TRPM2: variants seen among roughly 807,000 people sequenced by gnomAD.
The protein encoded by TRPM2 is estrogen-responsive element-associated gene 1 protein.
TRPM2 carries 161 observed loss-of-function variants against 174.0 expected under a neutral mutation model. The ratio of observed to expected loss-of-function variants is 0.93; its 90% CI spans 0.81 to 1.05. The LOEUF is 1.05. TRPM2 is among the 50% of genes least tolerant of loss of function. The pLI is 0.00. For missense variants in TRPM2, 2,057 were observed against 2,038.0 expected (o/e 1.01, Z -0.18); for synonymous variants, 954 against 861.3 (o/e 1.11, Z -1.88).
chr21:44,400,431 T>TGG, intron 15 of TRPM2, 60 bp downstream of exon 15: 1 of 1,453,114 alleles, frequency 6.9e-7, no homozygotes. Flanking sequence ...GAGAGGCTCC[T>TGG]GGGGGCTCAG....
At chr21:44,377,057 G>A (rs1244508714) in intron 6 of TRPM2, among the ~76,000 whole-genome samples, 2 of 151,562 alleles carry the variant, frequency 1.3e-5, no homozygotes, top group Non-Finnish European at 2.9e-5. Context: ...TCCCTGGTGA[G>A]GGCGATGCTG....
At chr21:44,378,388 G>A (rs144631644) in intron 7 of TRPM2, among the ~76,000 whole-genome samples, 66 of 152,344 alleles carry the variant, frequency 4.3e-4, no homozygotes, top group African/African-American at 1.5e-3. Context: ...GCAATGTCCC[G>A]TTTATGTTTC....
chr21:44,397,658 C>T (rs1403430036), intron 12 of TRPM2, 89 bp from the exon 13 acceptor site: 38 of 1,430,924 alleles, frequency 2.7e-5, no homozygotes, highest in African/African-American at 1.0e-4. Context: ...CCCCGGGCCT[C>T]GTTTTCATCA....
chr21:44,413,649 G>A (rs184852550), intron 19 of TRPM2, among the ~76,000 whole-genome samples: 14 of 152,284 alleles, frequency 9.2e-5, no homozygotes, highest in Middle Eastern at 3.4e-3. Flanking sequence ...CACCCTGGGC[G>A]GAGGCACGGG....
intron 16 of TRPM2, among the ~76,000 whole-genome samples, chr21:44,403,718 T>C (rs2049724572): frequency 1.4e-5 from 2 of 147,438 alleles, no homozygotes; most frequent in African/African-American, 2.6e-5. Flanking sequence ...TACACACATA[T>C]GCATGGACAC....
intron 31 of TRPM2, 71 bp from the exon 32 acceptor site, chr21:44,441,621 G>A (rs1430976401): frequency 2.6e-6 from 4 of 1,512,432 alleles, no homozygotes; most frequent in Non-Finnish European, 3.5e-6. Flanking sequence ...CTCGAAGGCT[G>A]CAGTCCGTAG....
chr21:44,431,567 C>T (rs1281215547), intron 27 of TRPM2, among the ~76,000 whole-genome samples: 1 of 152,086 alleles, frequency 6.6e-6, no homozygotes, highest in Non-Finnish European at 1.5e-5. Context: ...CCTACTGGGT[C>T]CCAGTTCAAG....
At chr21:44,426,512 G>A (rs2050784394) in intron 25 of TRPM2, 148 bp from the exon 26 acceptor site, 6 of 818,310 alleles carry the variant, frequency 7.3e-6, no homozygotes, top group Admixed American at 5.9e-5. Context: ...CCTGGCACCC[G>A]GATCTGCCCA....
chr21:44,441,720 C>G lies in TRPM2; in HGVS notation c.4415C>G (p.Ser1472Cys), dbSNP rs2051512863. 1 of 1,611,828 alleles carries G rather than the reference C, an allele frequency of 6.2e-7. No homozygotes were observed. The highest frequency in any genetic ancestry group is 1.1e-5 in the South Asian group (1 of 90,474). The change falls in exon 32 of 32, where the codon TCC becomes TGC. Residue 1472 changes from serine (S) to cysteine (C), a missense_variant. Physicochemically the swap from Ser to Cys is moderately radical, Grantham distance 112. Coordinates refer to ENST00000397928, the MANE Select transcript of TRPM2 (RefSeq NM_003307.4). ...SNLHACDSGASIRWQVVDRRI... is the reference protein window; with the variant it reads ...SNLHACDSGACIRWQVVDRRI... ...CTGCACGCCTGCGACTCGGGGGCCT[C>G]CATCCGATGGCAGGTGGTGGACAGG...
chr21:44,352,495 A>G (rs1159675933), upstream of TRPM2, among the ~76,000 whole-genome samples: 2 of 152,250 alleles, frequency 1.3e-5, no homozygotes, highest in South Asian at 4.1e-4. Context: ...CTTGTCTGAC[A>G]GTGACCGTCG....
chr21:44,395,306 T>A (rs1485736626), intron 11 of TRPM2, 108 bp from the exon 12 acceptor site: 1 of 1,370,464 alleles, frequency 7.3e-7, no homozygotes, highest in African/African-American at 1.5e-5. Context: ...GACAGTGAGA[T>A]CCTGAGAAGG....
intron 11 of TRPM2, among the ~76,000 whole-genome samples, chr21:44,394,392 T>C (rs2049275419): frequency 6.7e-6 from 1 of 149,190 alleles, no homozygotes; most frequent in African/African-American, 2.5e-5. Context: ...CAATCTTGGC[T>C]CACTGCAACC....
chr21:44,380,858 G>A (rs775288456), intron 8 of TRPM2, among the ~76,000 whole-genome samples: 7 of 152,198 alleles, frequency 4.6e-5, no homozygotes, highest in African/African-American at 7.2e-5. Flanking sequence ...CGACTCAGAC[G>A]AGGAAACGAG....
In TRPM2 at chr21:44,354,031, C is replaced by T. The variant is rs1261355527; in HGVS notation, c.165+166C>T. ...GAGAACAGAACTGGGGAGGGTGATG[C>T]GTGTCTCGTCTTCTGTGGGTTGCAT... is the stretch of plus-strand genomic sequence containing the variant. On this transcript the variant is annotated intron_variant, in intron 1 of 31. Coordinates refer to ENST00000397928, the MANE Select transcript of TRPM2 (RefSeq NM_003307.4). This position sits in a 1 kb window ranked among gnomAD's most constrained non-coding sequence, Gnocchi z 4.3. Among the ~76,000 whole-genome samples, 1 of 152,160 alleles carries T rather than the reference C, an allele frequency of 6.6e-6. No homozygotes were observed. The highest frequency in any genetic ancestry group is 2.4e-5 in the African/African-American group (1 of 41,432).
rs993400678 is a variant in TRPM2, at chr21:44,435,509, C to T, written c.4061+292C>T. On this transcript the variant is annotated intron_variant, in intron 28 of 31. Coordinates refer to ENST00000397928, the MANE Select transcript of TRPM2 (RefSeq NM_003307.4). ...CCTGCCCATTAGAGGGCACCCTCCA[C>T]GGGGACACAGCCCCACACTCACCCC... is the stretch of plus-strand genomic sequence containing the variant. Among the ~76,000 whole-genome samples the T allele has an allele frequency of 1.2e-4, 18 of 151,974 alleles. 1 individual carries two copies. The highest frequency in any genetic ancestry group is 6.2e-4 in the South Asian group (3 of 4,816).
chr21:44,408,597 G>A (rs1303891051), intron 19 of TRPM2, among the ~76,000 whole-genome samples: 20 of 150,056 alleles, frequency 1.3e-4, no homozygotes, highest in Non-Finnish European at 7.4e-5. Flanking sequence ...CTCCTCCTCT[G>A]CTAACCTCGT....
chr21:44,414,380 C>T (rs77060772), intron 20 of TRPM2, among the ~76,000 whole-genome samples: 7 of 152,346 alleles, frequency 4.6e-5, no homozygotes, highest in East Asian at 3.9e-4. Flanking sequence ...AGCCTCCTCC[C>T]GCAGGGCAGG....
rs377128411 is a variant in TRPM2, at chr21:44,439,061, G to A, written c.4168-6G>A. On this transcript the variant is annotated splice_polypyrimidine_tract_variant and splice_region_variant and intron_variant, in intron 29 of 31. Coordinates refer to ENST00000397928, the MANE Select transcript of TRPM2 (RefSeq NM_003307.4). This position sits in a 1 kb window ranked among gnomAD's most constrained non-coding sequence, Gnocchi z 5.1. ...GTTGACCTGCCTCCGTCCTCTGTCT[G>A]TCCAGGGCTCCCGGGAGCCAGGGGA... 70 of 1,611,634 alleles carry A rather than the reference G, an allele frequency of 4.3e-5. No homozygotes were observed. In the African/African-American group the frequency reaches 8.7e-4, roughly 20 times the overall value.
At chr21:44,416,560 AGT>A (rs1348988539) in intron 20 of TRPM2, 3 of 176,070 alleles carry the variant, frequency 1.7e-5, no homozygotes, top group African/African-American at 7.2e-5. Flanking sequence ...AGTGCCAGAC[AGT>A]GTCTGTCTCC....
Sources: gnomAD v4.1 joint callset for allele counts (sites outside exome capture counted in the v4.1 genomes callset) on GRCh38, gnomAD v4.1.1 for gene constraint, Gnocchi (gnomAD v3.1) non-coding constraint, MANE v1.5 for transcripts, NCBI Gene and HGNC (gene_info 2026-07-23, HGNC 2026-07-21) for gene names.